UNC13C: variants seen among roughly 807,000 people sequenced by gnomAD.
The protein encoded by UNC13C is protein unc-13 homolog C.
UNC13C carries 174 observed loss-of-function variants against 245.4 expected under a neutral mutation model. The observed-to-expected ratio is 0.71, with a 90% confidence interval of 0.63 to 0.80. The LOEUF (loss-of-function observed/expected upper bound fraction) is 0.80, where lower values mean the gene tolerates loss of function less well. Among genes scored for constraint, UNC13C ranks in the 30% least tolerant of loss-of-function variants. The pLI is 0.00. For synonymous variants in UNC13C, 992 were observed against 895.1 expected (o/e 1.11, Z -1.93); for missense variants, 2,829 against 2,602.9 (o/e 1.09, Z -1.89).
chr15:53,905,501 A>G, the UNC13C span, among the ~76,000 whole-genome samples: 2 of 152,178 alleles, frequency 1.3e-5, no homozygotes, highest in South Asian at 4.2e-4. Flanking sequence ...ACATTACGCC[A>G]AATGAGATAA....
intron 19 of UNC13C, among the ~76,000 whole-genome samples, chr15:54,429,334 A>G (rs1177462445): frequency 6.6e-6 from 1 of 151,770 alleles, no homozygotes; most frequent in African/African-American, 2.4e-5. Context: ...CCTGAGGACA[A>G]GTTAAAGCAT....
chr15:54,555,094 T>A (rs946182642), intron 28 of UNC13C, among the ~76,000 whole-genome samples: 2 of 152,060 alleles, frequency 1.3e-5, no homozygotes, highest in Non-Finnish European at 1.5e-5. Context: ...TTGATAGTCC[T>A]CAACGTGACA....
chr15:54,573,911 T>G (rs1312012930), intron 30 of UNC13C, among the ~76,000 whole-genome samples: 1 of 152,144 alleles, frequency 6.6e-6, no homozygotes, highest in Non-Finnish European at 1.5e-5. Flanking sequence ...GAAATTTTGG[T>G]CTGAGGAGAC....
intron 10 of UNC13C, among the ~76,000 whole-genome samples, chr15:54,267,126 C>T (rs1053836336): frequency 1.3e-5 from 2 of 152,012 alleles, no homozygotes; most frequent in Admixed American, 6.6e-5. Context: ...ATGAATGACT[C>T]ATGCTAAAAC....
chr15:54,155,693 A>T (rs183598686), intron 4 of UNC13C, among the ~76,000 whole-genome samples: 38 of 152,324 alleles, frequency 2.5e-4, no homozygotes, highest in African/African-American at 7.5e-4. Flanking sequence ...GATAAAGAGT[A>T]ATGTACTTTC....
In UNC13C at chr15:54,015,838, G is replaced by T; in HGVS notation, c.2935G>T (p.Ala979Ser). 6.2e-7 allele frequency: 1 copy of T among 1,606,284 alleles called. No individual in the cohort carries two copies. The highest frequency in any genetic ancestry group is 8.5e-7 in the Non-Finnish European group (1 of 1,176,976). ...RPSFKEAALR[A>S]YKKQMAELEE... ...TTCTTTCAAAGAAGCAGCTTTAAGGGCCTATAAAAAGCAAATGGCAGAGTT... is the reference window on the plus strand; with the variant it reads ...TTCTTTCAAAGAAGCAGCTTTAAGGTCCTATAAAAAGCAAATGGCAGAGTT... Residue 979 changes from alanine (A) to serine (S), a missense_variant, in exon 2 of 33, where the codon GCC becomes TCC. Physicochemically the swap from Ala to Ser is moderately conservative, Grantham distance 99 (BLOSUM62 1). Coordinates refer to ENST00000260323, the MANE Select transcript of UNC13C (RefSeq NM_001080534.3).
the UNC13C span, among the ~76,000 whole-genome samples, chr15:53,879,685 T>C: frequency 6.6e-6 from 1 of 152,020 alleles, no homozygotes. Flanking sequence ...ACCTCCCAGG[T>C]TCAAGCAATT....
Position 54,250,455 on chromosome 15 carries a change from G to A in UNC13C, c.3448+11G>A, listed in dbSNP as rs770630371. 1.3e-6 allele frequency: 2 copies of A among 1,589,972 alleles called. No homozygotes were observed. The highest frequency in any genetic ancestry group is 1.7e-6 in the Non-Finnish European group (2 of 1,167,570). ...CTGACTGCTTGCAGAGTGAGTACTT[G>A]GTTTGGCTGAAAAAGTGGTATGCAG... On this transcript the variant is annotated intron_variant, in intron 8 of 32. Coordinates refer to ENST00000260323, the MANE Select transcript of UNC13C (RefSeq NM_001080534.3).
chr15:54,361,501 T>C (rs143750326), intron 17 of UNC13C, among the ~76,000 whole-genome samples: 94 of 152,332 alleles, frequency 6.2e-4, no homozygotes, highest in African/African-American at 2.2e-3. Flanking sequence ...ACTCAATCTG[T>C]GCCCCTTGCT....
rs757036793 is a variant in UNC13C, at chr15:54,507,193, T to A, written c.5378T>A (p.Val1793Glu). ...AGTTCACATTGTGATAAGGAAAATG[T>A]GGTAAGTAAAAAATGTCTCTACTTT... ...DFSSHCDKEN[V>E]PCILMNNIQQ... The change falls in exon 23 of 33, where the codon GTG (valine) becomes GAG (glutamate). Residue 1793 changes from valine to glutamate, a missense_variant and splice_region_variant. Coordinates refer to ENST00000260323, the MANE Select transcript of UNC13C (RefSeq NM_001080534.3). 5.7e-6 allele frequency: 9 copies of A among 1,579,392 alleles called. No homozygotes were observed. The South Asian group carries it at 1.0e-4, about 18-fold the overall frequency.
chr15:54,180,789 G>A (rs1393744312), intron 4 of UNC13C, among the ~76,000 whole-genome samples: 1 of 121,238 alleles, frequency 8.2e-6, no homozygotes, highest in African/African-American at 4.0e-5. Flanking sequence ...ACACTGGTAT[G>A]TCTTTTGAGA....
the UNC13C span, among the ~76,000 whole-genome samples, chr15:53,948,883 G>A: frequency 6.6e-6 from 1 of 152,112 alleles, no homozygotes; most frequent in Non-Finnish European, 1.5e-5. Context: ...TGAAGCTAGA[G>A]AGGGGAATCC....
intron 17 of UNC13C, among the ~76,000 whole-genome samples, chr15:54,375,058 A>C (rs1259063810): frequency 6.6e-6 from 1 of 152,176 alleles, no homozygotes; most frequent in African/African-American, 2.4e-5. Context: ...TGTTTCTCTA[A>C]ACAGTCCTGT....
chr15:54,432,743 AAGATC>A (rs749181867), intron 19 of UNC13C, among the ~76,000 whole-genome samples: 2 of 152,060 alleles, frequency 1.3e-5, no homozygotes, highest in Non-Finnish European at 2.9e-5. Context: ...AGAAATAACT[AAGATC>A]AGAGCAGAAC....
chr15:54,480,075 C>A (rs756389758), intron 19 of UNC13C, among the ~76,000 whole-genome samples: 11 of 152,046 alleles, frequency 7.2e-5, no homozygotes, highest in Non-Finnish European at 1.5e-4. Context: ...TGTGAGTTGA[C>A]TTTTTCCTTA....
chr15:53,845,723 G>A, the UNC13C span, among the ~76,000 whole-genome samples: 1 of 152,176 alleles, frequency 6.6e-6, no homozygotes, highest in African/African-American at 2.4e-5. Flanking sequence ...CCATGAAGTG[G>A]TACTGTTTTA....
intron 17 of UNC13C, among the ~76,000 whole-genome samples, chr15:54,379,981 C>T (rs1242174327): frequency 6.6e-6 from 1 of 152,044 alleles, no homozygotes; most frequent in Non-Finnish European, 1.5e-5. Flanking sequence ...GTTATTATTT[C>T]TATGGTGAGA....
At chr15:53,989,187 C>T (rs144291372) in intron 1 of UNC13C, among the ~76,000 whole-genome samples, 1 of 151,820 alleles carries the variant, frequency 6.6e-6, no homozygotes, top group Non-Finnish European at 1.5e-5. Flanking sequence ...TAAATAGATA[C>T]CTCCCTTCCA....
intron 4 of UNC13C, among the ~76,000 whole-genome samples, chr15:54,226,658 A>G (rs1420008708): frequency 6.6e-6 from 1 of 152,194 alleles, no homozygotes; most frequent in Admixed American, 6.5e-5. Flanking sequence ...TTGGAGAGCA[A>G]GCCTGGGGTC....
Sources: allele counts gnomAD v4.1 joint callset (sites outside exome capture counted in the v4.1 genomes callset), GRCh38; gene constraint gnomAD v4.1.1; transcripts MANE v1.5; gene names NCBI Gene and HGNC (gene_info 2026-07-23, HGNC 2026-07-21).